The following ANKS1B variants were observed in gnomAD, a reference collection of about 807,000 sequenced individuals.
ANKS1B encodes ankyrin repeat and sterile alpha motif domain-containing protein 1B.
ANKS1B carries 36 observed loss-of-function variants against 148.3 expected under a neutral mutation model. The ratio of observed to expected loss-of-function variants is 0.24; its 90% CI spans 0.19 to 0.32. The LOEUF (loss-of-function observed/expected upper bound fraction) is 0.32, where lower values mean the gene tolerates loss of function less well. ANKS1B is among the 10% of genes least tolerant of loss of function. The pLI, the probability that ANKS1B is intolerant of heterozygous loss-of-function variation, is 1.00. For missense variants in ANKS1B, 1,157 were observed against 1,542.6 expected (o/e 0.75, Z 4.19); for synonymous variants, 542 against 560.8 (o/e 0.97, Z 0.47).
At chr12:98,926,903 T>C (rs1471086741) in intron 17 of ANKS1B, among the ~76,000 whole-genome samples, 1 of 152,048 alleles carries the variant, frequency 6.6e-6, no homozygotes, top group Non-Finnish European at 1.5e-5. Flanking sequence ...AACACATGCA[T>C]AGTGAGAGTC....
chr12:99,071,092 A>G (rs1341726260), intron 16 of ANKS1B, among the ~76,000 whole-genome samples: 1 of 152,156 alleles, frequency 6.6e-6, no homozygotes, highest in African/African-American at 2.4e-5. Context: ...AAAACTTGTT[A>G]TTTTTACTCC....
At chr12:99,464,839 G>A (rs2096067836) in intron 10 of ANKS1B, among the ~76,000 whole-genome samples, 1 of 152,338 alleles carries the variant, frequency 6.6e-6, no homozygotes, top group African/African-American at 2.4e-5. Flanking sequence ...AAGTGACGGG[G>A]AGAATGGAAC....
At chr12:98,890,502 G>A (rs2099750206) in intron 17 of ANKS1B, among the ~76,000 whole-genome samples, 1 of 152,020 alleles carries the variant, frequency 6.6e-6, no homozygotes, top group African/African-American at 2.4e-5. Context: ...AAAGAGAACT[G>A]GCTTATTTTT....
intron 12 of ANKS1B, among the ~76,000 whole-genome samples, chr12:99,320,839 C>G (rs561675979): frequency 1.3e-5 from 2 of 152,196 alleles, no homozygotes; most frequent in South Asian, 4.2e-4. Context: ...GTTTTATCTA[C>G]CTTTGGTCTT....
intron 10 of ANKS1B, among the ~76,000 whole-genome samples, chr12:99,492,429 A>C (rs1192557718): frequency 6.6e-6 from 1 of 152,190 alleles, no homozygotes; most frequent in Non-Finnish European, 1.5e-5. Flanking sequence ...CAACCAAAAA[A>C]AGCCTATGAC....
chr12:99,359,844 A>G (rs2092336745), intron 12 of ANKS1B, among the ~76,000 whole-genome samples: 1 of 152,130 alleles, frequency 6.6e-6, no homozygotes, highest in African/African-American at 2.4e-5. Flanking sequence ...TGTTTATTTT[A>G]TATATCCTGA....
intron 3 of ANKS1B, among the ~76,000 whole-genome samples, chr12:99,807,280 T>C (rs897569345): frequency 2.6e-5 from 4 of 152,212 alleles, no homozygotes; most frequent in African/African-American, 9.6e-5. Flanking sequence ...GTTGTGAGGA[T>C]GGACCTAGAT....
In ANKS1B at chr12:98,970,422, T is replaced by C. The variant is rs1196873393; in HGVS notation, c.2778+82735A>G. The stretch of plus-strand genomic sequence containing the variant: ...AATATTAGGCTGGTTTGGCCTAGCA[T>C]AGTACCTGGCACACAGCAGGCATTC... On this transcript the variant is annotated intron_variant, in intron 17 of 26. Transcript: ENST00000683438. Among the ~76,000 whole-genome samples, 4 of 152,180 alleles carry C rather than the reference T, an allele frequency of 2.6e-5. No individual in the cohort carries two copies. The East Asian group carries it at 5.8e-4, about 22-fold the overall frequency.
intron 17 of ANKS1B, among the ~76,000 whole-genome samples, chr12:98,889,606 A>G (rs1228871019): frequency 6.6e-6 from 1 of 152,204 alleles, no homozygotes; most frequent in African/African-American, 2.4e-5. Context: ...CTCAGCATCT[A>G]AAGTGCTGGG....
At chr12:99,096,100 T>A (rs761530331) in intron 15 of ANKS1B, among the ~76,000 whole-genome samples, 13 of 152,190 alleles carry the variant, frequency 8.5e-5, no homozygotes, top group Non-Finnish European at 1.5e-4. Context: ...AAAATGTTAC[T>A]CTTGAAATCC....
intron 8 of ANKS1B, among the ~76,000 whole-genome samples, chr12:99,717,997 G>A (rs1233179533): frequency 4.2e-5 from 6 of 141,442 alleles, no homozygotes; most frequent in South Asian, 2.4e-4. Context: ...TCCGCCTCCC[G>A]GGTTCACGCC....
In ANKS1B at chr12:99,060,378, A is replaced by G. The variant is rs2041996855; in HGVS notation, c.2626-7069T>C. On this transcript the variant is annotated intron_variant, in intron 16 of 26. Transcript: ENST00000683438. ...AGTTCTGGGTTTGAGGGGGTCAGCT[A>G]CGGGGCAGCTGAACAACCCATGCTC... Among the ~76,000 whole-genome samples the G allele has an allele frequency of 4.6e-5, 7 of 152,140 alleles. No individual in the cohort carries two copies. In the South Asian group the frequency reaches 1.5e-3, roughly 32 times the overall value.
chr12:99,948,912 TA>T (rs2095142473), intron 1 of ANKS1B, among the ~76,000 whole-genome samples: 1 of 152,156 alleles, frequency 6.6e-6, no homozygotes, highest in African/African-American at 2.4e-5. Context: ...TCAGGATATT[TA>T]AGATGGGGAA....
chr12:99,668,893 C>T (rs58889925), intron 8 of ANKS1B, among the ~76,000 whole-genome samples: 3,256 of 152,100 alleles, frequency 0.021, 125 homozygotes, highest in African/African-American at 0.075. Flanking sequence ...TTTCACCAAT[C>T]GTTCCTTCTG....
intron 12 of ANKS1B, among the ~76,000 whole-genome samples, chr12:99,327,305 T>TTATAATTACATATATATAAG (rs2086591877): frequency 8.5e-6 from 1 of 117,968 alleles, no homozygotes; most frequent in African/African-American, 3.8e-5. Flanking sequence ...AAATATGTAA[T>TTATAATTACATATATATAAG]TATATATTAT....
chr12:98,740,543 C>G (rs147102647), downstream of ANKS1B, among the ~76,000 whole-genome samples: 376 of 152,312 alleles, frequency 2.5e-3, no homozygotes, highest in African/African-American at 8.3e-3. Flanking sequence ...AGGATGATCA[C>G]CAATCCCTCT....
intron 17 of ANKS1B, among the ~76,000 whole-genome samples, chr12:98,906,490 G>A (rs939927677): frequency 3.9e-5 from 6 of 152,268 alleles, no homozygotes; most frequent in African/African-American, 1.4e-4. Context: ...CACCTAAAAG[G>A]GAGGATCCAC....
chr12:99,520,362 T>A (rs544471042), intron 9 of ANKS1B, among the ~76,000 whole-genome samples: 1 of 152,328 alleles, frequency 6.6e-6, no homozygotes, highest in African/African-American at 2.4e-5. Context: ...TGGGTAAAAG[T>A]TTTTTTCCTT....
chr12:98,973,616 T>G (rs1416278968), intron 17 of ANKS1B, among the ~76,000 whole-genome samples: 16 of 152,192 alleles, frequency 1.1e-4, no homozygotes. Flanking sequence ...CTTTGTCTAG[T>G]GTATCCATGC....
Sources: allele counts gnomAD v4.1 joint callset (sites outside exome capture counted in the v4.1 genomes callset), GRCh38; gene constraint gnomAD v4.1.1; transcripts MANE v1.5; gene names NCBI Gene and HGNC (gene_info 2026-07-23, HGNC 2026-07-21).